SALL4: variants seen among roughly 807,000 people sequenced by gnomAD.
The protein encoded by SALL4 is spalt like transcription factor 4, also known as sal-like protein 4.
In SALL4, 4 loss-of-function variants were observed where a neutral mutation model predicts 60.8. The observed-to-expected ratio is 0.07, with a 90% CI of 0.03 to 0.15. The LOEUF (loss-of-function observed/expected upper bound fraction) is 0.15, where lower values mean the gene tolerates loss of function less well. SALL4 is among the 10% of genes least tolerant of loss of function. The pLI is 1.00. For missense variants in SALL4, 1,178 were observed against 1,394.7 expected (o/e 0.84, Z 2.48); for synonymous variants, 580 against 574.9 (o/e 1.01, Z -0.13).
chr20:51,791,191 C>T lies in SALL4; in HGVS notation c.1292G>A (p.Arg431Gln), dbSNP rs781349487. Residue 431 changes from arginine to glutamine, a missense_variant, in exon 2 of 4, where the codon CGA (arginine) becomes CAA (glutamine). Around this residue, in one of 5 missense-constraint regions of SALL4, gnomAD observed 853 missense variants for 1,036.8 expected, o/e 0.82. Coordinates refer to ENST00000217086, the MANE Select transcript of SALL4 (RefSeq NM_020436.5). This position sits in a 1 kb window ranked among gnomAD's most constrained non-coding sequence, Gnocchi z 4.6. ...TKGNLKVHFH[R>Q]HPQVKANPQL... ...GGGGTTTGCCTTCACCTGGGGATGT[C>T]GGTGAAAGTGCACCTTGAGGTTGCC... The T allele has an allele frequency of 4.3e-6, 7 of 1,614,052 alleles. No individual in the cohort carries two copies. Among genetic ancestry groups the T allele is most frequent in the East Asian group, 2.2e-5 (1 of 44,876 alleles).
At chr20:51,797,953 T>C (rs922129857) in intron 1 of SALL4, among the ~76,000 whole-genome samples, 3 of 152,200 alleles carry the variant, frequency 2.0e-5, no homozygotes, top group Non-Finnish European at 2.9e-5. Context: ...CTTATCTTTT[T>C]TTCATTCCTA....
Position 51,791,525 on chromosome 20 carries a change from T to A in SALL4, c.958A>T (p.Thr320Ser). 6.2e-7 allele frequency: 1 copy of A among 1,613,756 alleles called. No individual in the cohort carries two copies. The highest frequency in any genetic ancestry group is 2.2e-5 in the East Asian group (1 of 44,868). ...GACATGACGTTCGGGAGCACCCGGG[T>A]CCCATCCGGCTTCAGAGTGAAGGGT... ...LAPFTLKPDG[T>S]RVLPNVMSRL... Residue 320 changes from threonine to serine, a missense_variant, in exon 2 of 4, where the codon ACC (threonine) becomes TCC (serine). Coordinates refer to ENST00000217086, the MANE Select transcript of SALL4 (RefSeq NM_020436.5). The surrounding 1 kb of genome is among the most constrained non-coding windows in gnomAD (Gnocchi z 4.6).
intron 3 of SALL4, among the ~76,000 whole-genome samples, chr20:51,787,454 A>G (rs2078001304): frequency 6.6e-6 from 1 of 152,166 alleles, no homozygotes; most frequent in African/African-American, 2.4e-5. Flanking sequence ...AATATAGAGA[A>G]CATCAATGTC....
In SALL4 at chr20:51,784,430, C is replaced by T. The variant is rs775608478; in HGVS notation, c.2997G>A (p.Pro999=). Residue 999 remains proline, a synonymous_variant, in exon 4 of 4, where the codon CCG becomes CCA. Coordinates refer to ENST00000217086, the MANE Select transcript of SALL4 (RefSeq NM_020436.5). ...CAACGGAGGTGGCCCCCAAGGAAAC[C>T]GGGAGGGTAGGAACCCCCCCACTCT... The part of the protein sequence containing the change: ...VIQSGGVPTL[P]VSLGATSVVN... 4.3e-6 allele frequency: 7 copies of T among 1,613,994 alleles called. No homozygotes were observed. The highest frequency in any genetic ancestry group is 3.3e-5 in the South Asian group (3 of 91,086).
intron 1 of SALL4, among the ~76,000 whole-genome samples, chr20:51,794,631 TAACAA>T (rs1166702149): frequency 1.3e-5 from 2 of 152,134 alleles, no homozygotes; most frequent in Non-Finnish European, 2.9e-5. Flanking sequence ...TCGTGCAACA[TAACAA>T]AAGTTATTGA....
In SALL4 at chr20:51,782,882, T is replaced by TACTTC. The variant is rs2077964213; in HGVS notation, c.*1382_*1383insGAAGT. The stretch of plus-strand genomic sequence containing the variant: ...TGGGAATACTTCAGCGGTCTTAAAA[T>TACTTC]AGGAAAATAGACACTATGGCTACAA... On this transcript the variant is annotated 3_prime_UTR_variant, in exon 4 of 4. Coordinates refer to ENST00000217086, the MANE Select transcript of SALL4 (RefSeq NM_020436.5). 6.6e-6 allele frequency: 1 copy of TACTTC among 151,770 alleles called. No individual in the cohort carries two copies. The highest frequency in any genetic ancestry group is 1.9e-4 in the East Asian group (1 of 5,194). 9.4% of individuals were successfully genotyped at this position (151,770 alleles called of 1,614,324 possible).
Position 51,788,463 on chromosome 20 carries a change from G to A in SALL4, c.2742+398C>T, listed in dbSNP as rs554612098. Among the ~76,000 whole-genome samples, 291 of 152,066 alleles carry A rather than the reference G, an allele frequency of 1.9e-3. No homozygotes were observed. The highest frequency in any genetic ancestry group is 3.4e-3 in the Non-Finnish European group (228 of 68,016). On this transcript the variant is annotated intron_variant, in intron 3 of 3. Coordinates refer to ENST00000217086, the MANE Select transcript of SALL4 (RefSeq NM_020436.5). This position sits in a 1 kb window ranked among gnomAD's most constrained non-coding sequence, Gnocchi z 4.1. ...CCCAGCACTTTGGGAGGCCGAGGCA[G>A]GCGGATCACGAGATCAGGAGATCGA...
In SALL4 at chr20:51,791,873, G is replaced by A; in HGVS notation, c.610C>T (p.Pro204Ser). The A allele has an allele frequency of 5.6e-6, 9 of 1,614,154 alleles. No homozygotes were observed. The highest frequency in any genetic ancestry group is 7.6e-6 in the Non-Finnish European group (9 of 1,180,008). Residue 204 changes from proline to serine, a missense_variant, in exon 2 of 4, where the codon CCC (proline) becomes TCC (serine). Transcript: ENST00000217086. This position sits in a 1 kb window ranked among gnomAD's most constrained non-coding sequence, Gnocchi z 4.6. Reference protein sequence around the residue: ...NQRSADALPAPVPGANSIPWV... With the variant: ...NQRSADALPASVPGANSIPWV... ...GGGATGCTGTTGGCACCAGGCACGG[G>A]GGCAGGGAGTGCATCCGCGCTCCGC...
intron 1 of SALL4, among the ~76,000 whole-genome samples, chr20:51,798,473 GATT>G (rs2078091820): frequency 6.9e-6 from 1 of 144,284 alleles, no homozygotes. Context: ...GGTGGGGGGG[GATT>G]GTGGTGACTG....
intron 1 of SALL4, among the ~76,000 whole-genome samples, chr20:51,799,792 A>G (rs924469979): frequency 2.6e-5 from 4 of 152,166 alleles, no homozygotes; most frequent in Admixed American, 6.5e-5. Flanking sequence ...TTTTTCCTGT[A>G]TGTAGTGTTA....
chr20:51,802,064 TACAC>T (rs1381233753), intron 1 of SALL4, among the ~76,000 whole-genome samples: 1 of 150,928 alleles, frequency 6.6e-6, no homozygotes, highest in Non-Finnish European at 1.5e-5. Context: ...GGGTGAAACT[TACAC>T]AAGAGGGGAG....
intron 3 of SALL4, among the ~76,000 whole-genome samples, chr20:51,785,339 T>C (rs960164071): frequency 3.3e-5 from 5 of 152,174 alleles, no homozygotes; most frequent in Admixed American, 1.3e-4. Flanking sequence ...TCATAGCTCA[T>C]GTGATTGAGC....
At chr20:51,799,879 T>C (rs3787183) in intron 1 of SALL4, among the ~76,000 whole-genome samples, 40,472 of 152,090 alleles carry the variant, frequency 0.27, 5,779 homozygotes, top group Non-Finnish European at 0.33. Flanking sequence ...AAAACTGCAT[T>C]CTCGAATGGC....
At position 51,791,700 on chromosome 20, in the gene SALL4, G is replaced by T; in HGVS notation, c.783C>A (p.Gly261=). Residue 261 remains glycine, a synonymous_variant, in exon 2 of 4, where the codon GGC becomes GGA. Coordinates refer to ENST00000217086, the MANE Select transcript of SALL4 (RefSeq NM_020436.5). The surrounding 1 kb of genome is among the most constrained non-coding windows in gnomAD (Gnocchi z 4.6). The part of the protein sequence containing the change: ...GAGADTLKTL[G]SHMSQQVSAA... The stretch of plus-strand genomic sequence containing the variant: ...CAGAAACCTGCTGAGACATGTGGCT[G>T]CCCAAGGTCTTCAGAGTGTCGGCCC... 1 of 1,614,190 alleles carries T rather than the reference G, an allele frequency of 6.2e-7. No homozygotes were observed. The highest frequency in any genetic ancestry group is 8.5e-7 in the Non-Finnish European group (1 of 1,180,048).
intron 1 of SALL4, among the ~76,000 whole-genome samples, chr20:51,796,554 AT>A (rs2078081029): frequency 6.6e-6 from 1 of 152,210 alleles, no homozygotes; most frequent in Admixed American, 6.5e-5. Flanking sequence ...AAGCCAAAAG[AT>A]TAGACACCCT....
In SALL4 at chr20:51,790,685, C is replaced by T. The variant is rs1341021910; in HGVS notation, c.1798G>A (p.Gly600Ser). The change falls in exon 2 of 4, where the codon GGC (glycine) becomes AGC (serine). Residue 600 changes from glycine (G) to serine (S), a missense_variant. By Grantham distance (56) the Gly-to-Ser change is moderately conservative. Transcript: ENST00000217086. This position sits in a 1 kb window ranked among gnomAD's most constrained non-coding sequence, Gnocchi z 5.5. ...GERPFQCKIC[G>S]RAFSTKGNLK... ...TTACCTTTGGTAGAAAAGGCTCGGC[C>T]ACAGATCTTACACTGGAACGGTCTC... 1.9e-6 allele frequency: 3 copies of T among 1,614,128 alleles called. No homozygotes were observed. The highest frequency in any genetic ancestry group is 1.3e-5 in the African/African-American group (1 of 75,026).
At position 51,790,131 on chromosome 20, in the gene SALL4, G is replaced by A; in HGVS notation, c.2352C>T (p.Ser784=). The A allele has an allele frequency of 6.2e-7, 1 of 1,614,182 alleles. No homozygotes were observed. The highest frequency in any genetic ancestry group is 8.5e-7 in the Non-Finnish European group (1 of 1,180,034). The change falls in exon 2 of 4, where the codon TCC becomes TCT. Residue 784 remains serine, a synonymous_variant. Coordinates refer to ENST00000217086, the MANE Select transcript of SALL4 (RefSeq NM_020436.5). The surrounding 1 kb of genome is among the most constrained non-coding windows in gnomAD (Gnocchi z 5.5). ...TATTGGCCGGGGAGAGTGCCTGGAA[G>A]GATGTGGTTTCCAGGATATCTGGGC... ...SRSPDILETT[S]FQALSPANSQ...
rs886284248 is a variant in SALL4 at position 51,801,189 on chromosome 20, A to G, written c.130+1090T>C. Among the ~76,000 whole-genome samples the G allele has an allele frequency of 3.9e-5, 6 of 152,202 alleles. No homozygotes were observed. The highest frequency in any genetic ancestry group is 3.4e-3 in the Middle Eastern group (1 of 294). On this transcript the variant is annotated intron_variant, in intron 1 of 3. Coordinates refer to ENST00000217086, the MANE Select transcript of SALL4 (RefSeq NM_020436.5). This position sits in a 1 kb window ranked among gnomAD's most constrained non-coding sequence, Gnocchi z 5.2. ...TGGCGGGCCGGGATGGAGACGAGAT[A>G]GTGGAAAACCGCCTCGCTCCTAAAA...
intron 1 of SALL4, among the ~76,000 whole-genome samples, chr20:51,794,620 C>T (rs1328375886): frequency 2.0e-5 from 3 of 152,138 alleles, no homozygotes; most frequent in African/African-American, 4.8e-5. Context: ...AATAATGTCA[C>T]TCGTGCAACA....
Sources: allele counts gnomAD v4.1 joint callset (sites outside exome capture counted in the v4.1 genomes callset), GRCh38; gene constraint gnomAD v4.1.1; regional missense constraint gnomAD v4.1.1; non-coding constraint Gnocchi (gnomAD v3.1); transcripts MANE v1.5; gene names NCBI Gene and HGNC (gene_info 2026-07-23, HGNC 2026-07-21).